The following LRRK1 variants were observed in gnomAD, a reference collection of about 807,000 sequenced individuals.
LRRK1 encodes leucine rich repeat kinase 1.
A neutral mutation model predicts 209.1 loss-of-function variants in LRRK1; 113 were observed. That is an observed-to-expected ratio of 0.54 (90% CI 0.46 to 0.63). LRRK1 has a LOEUF of 0.63. Among genes scored for constraint, LRRK1 ranks in the 30% least tolerant of loss-of-function variants. The pLI is 0.00. For synonymous variants in LRRK1, 1,144 were observed against 1,099.7 expected (o/e 1.04, Z -0.80); for missense variants, 2,284 against 2,632.2 (o/e 0.87, Z 2.89).
At chr15:100,971,967 A>ATTTT (rs35045867) in intron 2 of LRRK1, among the ~76,000 whole-genome samples, 1 of 147,304 alleles carries the variant, frequency 6.8e-6, no homozygotes, top group African/African-American at 2.5e-5. Context: ...TGACAAAAGA[A>ATTTT]TTTTTTTTTT....
chr15:101,025,913 C>T (rs4427776), intron 16 of LRRK1, 52 bp from the exon 17 acceptor site: 1,169,368 of 1,600,280 alleles, frequency 0.73, 433,477 homozygotes, highest in South Asian at 0.79. Flanking sequence ...TCTGTCCTGT[C>T]CCTTGTTCCA....
chr15:100,972,982 C>A (rs1365464301), intron 2 of LRRK1, among the ~76,000 whole-genome samples: 1 of 152,128 alleles, frequency 6.6e-6, no homozygotes, highest in African/African-American at 2.4e-5. Context: ...ACTTCGGAAG[C>A]CTGTCAGCCT....
In LRRK1 at chr15:101,051,864, T is replaced by G; in HGVS notation, c.3593T>G (p.Ile1198Ser). Residue 1198 changes from isoleucine (I) to serine (S), a missense_variant, in exon 24 of 34, where the codon ATC (isoleucine) becomes AGC (serine). Physicochemically the swap from Ile to Ser is moderately radical, Grantham distance 142. This residue lies in a region of LRRK1 where 780 missense variants were observed against 985.2 expected (regional missense o/e 0.79). Transcript: ENST00000388948. The part of the protein sequence containing the change: ...FDMEDCVLTA[I>S]ERDFISCPRH... ...ATGGAAGACTGTGTCCTGACGGCCA[T>G]CGAGCGGGACTTCATCTCCTGCCCC... The G allele has an allele frequency of 6.2e-7, 1 of 1,614,096 alleles. No individual in the cohort carries two copies. Among genetic ancestry groups the G allele is most frequent in the East Asian group, 2.2e-5 (1 of 44,880 alleles).
At chr15:101,013,386 G>A (rs1402792588) in intron 10 of LRRK1, among the ~76,000 whole-genome samples, 1 of 152,194 alleles carries the variant, frequency 6.6e-6, no homozygotes, top group Non-Finnish European at 1.5e-5. Flanking sequence ...GTTGGTGGCT[G>A]TGGTGATGTC....
intron 6 of LRRK1, among the ~76,000 whole-genome samples, chr15:101,001,698 C>G (rs1206134264): frequency 6.6e-6 from 1 of 152,166 alleles, no homozygotes; most frequent in Non-Finnish European, 1.5e-5. Flanking sequence ...TAACGTGTGT[C>G]TTCATTGAAT....
chr15:100,985,524 C>T (rs745877315), intron 4 of LRRK1, among the ~76,000 whole-genome samples: 15 of 152,252 alleles, frequency 9.9e-5, no homozygotes, highest in Non-Finnish European at 1.5e-4. Context: ...AGTATTTTTA[C>T]GCAGAGGTCT....
At chr15:100,956,455 C>CTTTTTCTTTTTTTTTCTTTTTTTTTTTT in intron 2 of LRRK1, among the ~76,000 whole-genome samples, 2 of 60,534 alleles carry the variant, frequency 3.3e-5, no homozygotes, top group African/African-American at 8.5e-5. Context: ...TTTTTTTTTT[C>CTTTTTCTTTTTTTTTCTTTTTTTTTTTT]TTTTTTTTTT....
intron 2 of LRRK1, among the ~76,000 whole-genome samples, chr15:100,955,467 T>A (rs1464499823): frequency 6.6e-6 from 1 of 152,152 alleles, no homozygotes; most frequent in East Asian, 1.9e-4. Flanking sequence ...GACTTCTTCT[T>A]TTCTTATTTG....
chr15:100,959,457 G>A (rs1355550771), intron 2 of LRRK1, among the ~76,000 whole-genome samples: 15 of 152,174 alleles, frequency 9.9e-5, no homozygotes, highest in Non-Finnish European at 1.5e-5. Context: ...GTCCTTTCTG[G>A]GGTGCACCCC....
At chr15:101,020,671 C>G (rs1219149312) in intron 12 of LRRK1, among the ~76,000 whole-genome samples, 1 of 152,134 alleles carries the variant, frequency 6.6e-6, no homozygotes, top group African/African-American at 2.4e-5. Context: ...ACCAGCCTGG[C>G]GCACCTTGCC....
In LRRK1 at chr15:101,069,389, A is replaced by T. The variant is rs886326881; in HGVS notation, c.*541A>T. 2 of 152,692 alleles carry T rather than the reference A, an allele frequency of 1.3e-5. No homozygotes were observed. Among genetic ancestry groups the T allele is most frequent in the South Asian group, 4.1e-4 (2 of 4,840 alleles). 9.5% of individuals were successfully genotyped at this position (152,692 alleles called of 1,614,324 possible). ...GCCAGCTTGGGCAAGCCAAGATCAG[A>T]TGTCTCTGTGTTCGGGAAGGTCTCC... On this transcript the variant is annotated 3_prime_UTR_variant, in exon 34 of 34. Transcript: ENST00000388948.
chr15:100,962,815 ATATATATAT>A lies in LRRK1; in HGVS notation c.98-10987_98-10979del, dbSNP rs1298030900. Among the ~76,000 whole-genome samples the A allele has an allele frequency of 2.1e-3, 56 of 27,222 alleles. 1 individual carries two copies. Among genetic ancestry groups the A allele is most frequent in the African/African-American group, 3.1e-3 (25 of 8,048 alleles). 17.9% of individuals were successfully genotyped at this position (27,222 alleles called of 152,430 possible). A position where few individuals can be genotyped will look rare whatever the true frequency, so the allele number is the denominator to read the frequency against. Reference sequence around the variant, plus strand: ...TTTGCATATATATATATATATATATATATATATATTTTTTTTTTTTTTTTTGAGATGGAG... The same window carrying A: ...TTTGCATATATATATATATATATATATTTTTTTTTTTTTTTTGAGATGGAG... On this transcript the variant is annotated intron_variant, in intron 2 of 33. Coordinates refer to ENST00000388948, the MANE Select transcript of LRRK1 (RefSeq NM_024652.6).
At chr15:100,989,569 A>C in intron 6 of LRRK1, 171 bp downstream of exon 6, 1 of 657,536 alleles carries the variant, frequency 1.5e-6, no homozygotes, top group Non-Finnish European at 2.6e-6. Context: ...TCATGCAGTG[A>C]TATGAAGGTG....
intron 33 of LRRK1, chr15:101,067,420 AATGTGTGTGTGTGTGTGT>A: frequency 2.9e-6 from 1 of 347,040 alleles, no homozygotes; most frequent in Non-Finnish European, 5.5e-6. Context: ...CCTCAGTTCA[AATGTGTGTGTGTGTGTGT>A]GTGTGTGTGT....
At chr15:101,052,100 C>T in intron 24 of LRRK1, 140 bp downstream of exon 24, 4 of 994,450 alleles carry the variant, frequency 4.0e-6, no homozygotes, top group Non-Finnish European at 5.8e-6. Context: ...AATCTCAGTA[C>T]CTTTTAGGTT....
chr15:100,933,429 T>C (rs2042244124), intron 2 of LRRK1, among the ~76,000 whole-genome samples: 1 of 152,236 alleles, frequency 6.6e-6, no homozygotes, highest in Non-Finnish European at 1.5e-5. Flanking sequence ...GCTTTCGCTA[T>C]AGTTTTGTTT....
At position 101,075,399 on chromosome 15, in the gene LRRK1, T is replaced by C. The variant is rs556820774; in HGVS notation, c.*6551T>C. ...TCTTCCCAATCCAAAGCCTCCTTTG[T>C]GTCCTCCTCTTGTATCCCCCGACCT... On this transcript the variant is annotated 3_prime_UTR_variant, in exon 34 of 34. Coordinates refer to ENST00000388948, the MANE Select transcript of LRRK1 (RefSeq NM_024652.6). 102 of 122,256 alleles carry C rather than the reference T, an allele frequency of 8.3e-4. No homozygotes were observed. Among genetic ancestry groups the C allele is most frequent in the South Asian group, 3.7e-3 (14 of 3,774 alleles). 7.6% of individuals were successfully genotyped at this position (122,256 alleles called of 1,614,324 possible). A position where few individuals can be genotyped will look rare whatever the true frequency, so the allele number is the denominator to read the frequency against.
In LRRK1 at chr15:101,014,438, G is replaced by A; in HGVS notation, c.1532+10G>A. 1 of 1,579,474 alleles carries A rather than the reference G, an allele frequency of 6.3e-7. No homozygotes were observed. Among genetic ancestry groups the A allele is most frequent in the South Asian group, 1.1e-5 (1 of 90,322 alleles). ...GAAACCAACTTGGCAAGTAAGCAGG[G>A]GCCTCTCCTCCCTGGCCAGTTCCAA... is the stretch of plus-strand genomic sequence containing the variant. On this transcript the variant is annotated intron_variant, in intron 11 of 33. Coordinates refer to ENST00000388948, the MANE Select transcript of LRRK1 (RefSeq NM_024652.6).
chr15:101,027,585 G>C lies in LRRK1; in HGVS notation c.2527-53G>C. 1 of 1,586,942 alleles carries C rather than the reference G, an allele frequency of 6.3e-7. No homozygotes were observed. Among genetic ancestry groups the C allele is most frequent in the East Asian group, 2.3e-5 (1 of 43,882 alleles). Reference sequence around the variant, plus strand: ...GGGCCGGGCAGGATCTGCCCAAGCTGGCAGGTGTGCCTTGGGACCTGAGAG... The same window carrying C: ...GGGCCGGGCAGGATCTGCCCAAGCTCGCAGGTGTGCCTTGGGACCTGAGAG... On this transcript the variant is annotated intron_variant, in intron 18 of 33. Coordinates refer to ENST00000388948, the MANE Select transcript of LRRK1 (RefSeq NM_024652.6). The surrounding 1 kb of genome is among the most constrained non-coding windows in gnomAD (Gnocchi z 5.1).
Sources: allele counts gnomAD v4.1 joint callset (sites outside exome capture counted in the v4.1 genomes callset), GRCh38; gene constraint gnomAD v4.1.1; regional missense constraint gnomAD v4.1.1; non-coding constraint Gnocchi (gnomAD v3.1); transcripts MANE v1.5; gene names NCBI Gene and HGNC (gene_info 2026-07-23, HGNC 2026-07-21).